The following LSAMP variants were observed in gnomAD, a reference collection of about 807,000 sequenced individuals.
LSAMP encodes limbic system-associated membrane protein.
A neutral mutation model predicts 38.6 loss-of-function variants in LSAMP; 7 were observed. That is an observed-to-expected ratio of 0.18 (90% CI 0.10 to 0.34). The LOEUF (loss-of-function observed/expected upper bound fraction) is 0.34. LSAMP is among the 10% of genes least tolerant of loss of function. The pLI is 1.00. For missense variants in LSAMP, 313 were observed against 420.0 expected (o/e 0.75, Z 2.23); for synonymous variants, 154 against 166.8 (o/e 0.92, Z 0.59).
chr3:115,940,505 G>C lies in LSAMP; in HGVS notation c.514+79010C>G, dbSNP rs148400468. ...ACAAAAGTTCTCCAAGTCCCCACCC[G>C]ACCCAGAAGCTCAGCTGGCTTCACC... On this transcript the variant is annotated intron_variant, in intron 3 of 6. Transcript: ENST00000490035. Among the ~76,000 whole-genome samples, 3 of 152,262 alleles carry C rather than the reference G, an allele frequency of 2.0e-5. No homozygotes were observed. In the South Asian group the frequency reaches 6.2e-4, roughly 32 times the overall value.
chr3:115,984,436 C>T (rs1032634442), intron 3 of LSAMP, among the ~76,000 whole-genome samples: 2 of 152,088 alleles, frequency 1.3e-5, no homozygotes, highest in Non-Finnish European at 2.9e-5. Flanking sequence ...TGATTTTCTT[C>T]CATTTTATAG....
intron 1 of LSAMP, among the ~76,000 whole-genome samples, chr3:116,337,841 G>T (rs759484831): frequency 1.3e-5 from 2 of 151,948 alleles, no homozygotes; most frequent in East Asian, 1.9e-4. Flanking sequence ...CTGATTCTAG[G>T]ATCCCACTCC....
intron 4 of LSAMP, among the ~76,000 whole-genome samples, chr3:115,850,583 C>T (rs1052770683): frequency 6.6e-6 from 1 of 152,176 alleles, no homozygotes; most frequent in African/African-American, 2.4e-5. Flanking sequence ...ACACACCCAA[C>T]ACTAGAAAAT....
intron 1 of LSAMP, among the ~76,000 whole-genome samples, chr3:116,389,985 T>C (rs2048671624): frequency 6.6e-6 from 1 of 152,312 alleles, no homozygotes; most frequent in East Asian, 1.9e-4. Context: ...CAGTTTTAGC[T>C]GGAACATTAA....
At position 115,849,553 on chromosome 3, in the gene LSAMP, A is replaced by G. The variant is rs1317760620; in HGVS notation, c.649+2930T>C. On this transcript the variant is annotated intron_variant, in intron 4 of 6. Coordinates refer to ENST00000490035, the MANE Select transcript of LSAMP (RefSeq NM_002338.5). ...TATTTGGCCAGTAGTTATCTCAACC[A>G]TCCTGATCCCCTGACCTAATTCCAA... Among the ~76,000 whole-genome samples, 6 of 152,096 alleles carry G rather than the reference A, an allele frequency of 3.9e-5. No homozygotes were observed. In the South Asian group the frequency reaches 1.2e-3, roughly 32 times the overall value.
At chr3:116,068,498 T>C (rs1707515623) in intron 2 of LSAMP, among the ~76,000 whole-genome samples, 1 of 152,224 alleles carries the variant, frequency 6.6e-6, no homozygotes, top group South Asian at 2.1e-4. Flanking sequence ...GAGAGAAAAC[T>C]GATGTATTTT....
chr3:116,304,457 C>T (rs913512240), intron 1 of LSAMP, among the ~76,000 whole-genome samples: 5 of 151,842 alleles, frequency 3.3e-5, no homozygotes, highest in African/African-American at 7.3e-5. Flanking sequence ...ATGGTGGCTA[C>T]GAGGAAACAT....
chr3:116,165,514 GC>G (rs1231278530), intron 1 of LSAMP, among the ~76,000 whole-genome samples: 1 of 152,078 alleles, frequency 6.6e-6, no homozygotes, highest in Non-Finnish European at 1.5e-5. Context: ...TTAATCAGAA[GC>G]TTAGCTATAG....
In LSAMP at chr3:115,841,834, G is replaced by T; in HGVS notation, c.919+11C>A. On this transcript the variant is annotated intron_variant, in intron 6 of 6. Transcript: ENST00000490035. ...ATTCCATCAAGTTGGGCCCTGCTTT[G>T]GCATACTTACTGAAAAGGACTAGGC... 2.5e-6 allele frequency: 4 copies of T among 1,594,998 alleles called. No individual in the cohort carries two copies. The highest frequency in any genetic ancestry group is 3.4e-6 in the Non-Finnish European group (4 of 1,171,868).
intron 3 of LSAMP, among the ~76,000 whole-genome samples, chr3:115,929,823 C>G (rs1937551291): frequency 6.6e-6 from 1 of 151,924 alleles, no homozygotes; most frequent in Non-Finnish European, 1.5e-5. Context: ...TCCCTTCTAC[C>G]ATGCACCCTC....
intron 6 of LSAMP, among the ~76,000 whole-genome samples, chr3:115,827,084 A>G (rs913406389): frequency 6.6e-6 from 1 of 152,104 alleles, no homozygotes; most frequent in Admixed American, 6.5e-5. Flanking sequence ...TTGCAATTCA[A>G]CAGAGAAGTG....
At chr3:116,256,032 G>A (rs2046746325) in intron 1 of LSAMP, among the ~76,000 whole-genome samples, 2 of 151,824 alleles carry the variant, frequency 1.3e-5, no homozygotes, top group Non-Finnish European at 2.9e-5. Context: ...TTGTTTATCC[G>A]ATCTAATGCA....
intron 1 of LSAMP, among the ~76,000 whole-genome samples, chr3:116,146,910 A>G (rs1709502997): frequency 6.6e-6 from 1 of 152,044 alleles, no homozygotes; most frequent in Non-Finnish European, 1.5e-5. Context: ...GGACTCGAAC[A>G]CTACTTATCA....
chr3:115,820,347 A>G (rs952095469), intron 6 of LSAMP, among the ~76,000 whole-genome samples: 5 of 152,200 alleles, frequency 3.3e-5, no homozygotes, highest in Admixed American at 6.5e-5. Flanking sequence ...TACAAGGTAT[A>G]ATAGAGAAAG....
intron 2 of LSAMP, among the ~76,000 whole-genome samples, chr3:116,072,185 C>A (rs954389192): frequency 3.3e-5 from 5 of 151,956 alleles, no homozygotes; most frequent in Non-Finnish European, 7.4e-5. Context: ...CCGTGTTAGC[C>A]AGGATGGTCT....
intron 2 of LSAMP, among the ~76,000 whole-genome samples, chr3:116,078,098 T>A (rs1707786969): frequency 1.3e-5 from 2 of 152,136 alleles, no homozygotes; most frequent in Non-Finnish European, 2.9e-5. Context: ...TTAACAAATA[T>A]TTGTGGGCAG....
At chr3:116,027,456 C>T (rs1328930563) in intron 2 of LSAMP, among the ~76,000 whole-genome samples, 3 of 152,092 alleles carry the variant, frequency 2.0e-5, no homozygotes, top group Non-Finnish European at 4.4e-5. Flanking sequence ...ATTTCATATT[C>T]TTCCAATGGA....
At chr3:116,239,192 TCA>T (rs2046501124) in intron 1 of LSAMP, among the ~76,000 whole-genome samples, 1 of 152,116 alleles carries the variant, frequency 6.6e-6, no homozygotes, top group Non-Finnish European at 1.5e-5. Flanking sequence ...GTATAGAGTC[TCA>T]CATGAGTAGA....
At chr3:116,179,014 C>T (rs1404896056) in intron 1 of LSAMP, among the ~76,000 whole-genome samples, 1 of 137,462 alleles carries the variant, frequency 7.3e-6, no homozygotes, top group Non-Finnish European at 1.6e-5. Context: ...GTCTCAGCTA[C>T]CCAACTTTTA....
Sources: gnomAD v4.1 joint callset for allele counts (sites outside exome capture counted in the v4.1 genomes callset) on GRCh38, gnomAD v4.1.1 for gene constraint, MANE v1.5 for transcripts, NCBI Gene and HGNC (gene_info 2026-07-23, HGNC 2026-07-21) for gene names.